Variants in CDH3 observed in about 807,000 individuals in gnomAD.
CDH3 encodes cadherin 3.
In CDH3, 54 loss-of-function variants were observed where a neutral mutation model predicts 82.0. The observed-to-expected ratio is 0.66, with a 90% CI of 0.53 to 0.83. The LOEUF (loss-of-function observed/expected upper bound fraction) is 0.83. Among genes scored for constraint, CDH3 ranks in the 40% least tolerant of loss-of-function variants. CDH3 has a pLI of 0.00. For synonymous variants in CDH3, 446 were observed against 437.9 expected, an observed-to-expected ratio of 1.02 and a Z score of -0.23; for missense variants, 1,054 against 1,084.6, an observed-to-expected ratio of 0.97 and a Z score of 0.40.
At chr16:68,695,125 A>G in intron 13 of CDH3, 130 bp from the exon 14 acceptor site, 1 of 983,214 alleles carries the variant, frequency 1.0e-6, no homozygotes, top group South Asian at 1.4e-5. Flanking sequence ...GTGCAAGTAA[A>G]GCCATTGTAG....
At chr16:68,725,397 G>C (rs377533840) in intron 2 of CDH3, among the ~76,000 whole-genome samples, 50 of 151,792 alleles carry the variant, frequency 3.3e-4, no homozygotes, top group African/African-American at 1.2e-3. Flanking sequence ...GCAGTGGCCC[G>C]ATCTCGGCTC....
intron 2 of CDH3, among the ~76,000 whole-genome samples, chr16:68,654,763 T>C (rs920139105): frequency 6.3e-5 from 9 of 142,448 alleles, no homozygotes; most frequent in Non-Finnish European, 9.2e-5. Flanking sequence ...GCGGCCGGCA[T>C]GATGGCTCAC....
chr16:68,678,269 C>T lies in CDH3; in HGVS notation c.382C>T (p.Leu128=). The T allele has an allele frequency of 2.5e-6, 4 of 1,614,166 alleles. No individual in the cohort carries two copies. The highest frequency in any genetic ancestry group is 3.4e-6 in the Non-Finnish European group (4 of 1,180,014). ...TGGCAAGGGTCCCTTCCCCCAGAGA[C>T]TGAATCAGGTACGACTGTGCCTTCT... is the stretch of plus-strand genomic sequence containing the variant. ...ENGKGPFPQR[L]NQLKSNKDRD... Residue 128 remains leucine (L), a synonymous_variant, in exon 4 of 16, where the codon CTG becomes TTG. Transcript: ENST00000264012.
intron 13 of CDH3, 70 bp downstream of exon 13, chr16:68,691,996 T>A: frequency 1.5e-6 from 2 of 1,305,572 alleles, no homozygotes; most frequent in Non-Finnish European, 1.1e-6. Flanking sequence ...CCTTGAGCTT[T>A]AACTCCTGGA....
chr16:68,666,211 C>T (rs1341382301), intron 2 of CDH3, among the ~76,000 whole-genome samples: 2 of 151,874 alleles, frequency 1.3e-5, no homozygotes, highest in Non-Finnish European at 2.9e-5. Flanking sequence ...GGCCCTCACA[C>T]ACCCCGTCAG....
chr16:68,654,209 G>A (rs1323412895), intron 2 of CDH3, among the ~76,000 whole-genome samples: 5 of 149,346 alleles, frequency 3.3e-5, no homozygotes, highest in East Asian at 4.1e-4. Context: ...ACAGGCATGT[G>A]CCACCATGCC....
chr16:68,726,140 T>A (rs1962216779), intron 2 of CDH3, among the ~76,000 whole-genome samples: 1 of 152,138 alleles, frequency 6.6e-6, no homozygotes, highest in African/African-American at 2.4e-5. Flanking sequence ...GCCAGGATGG[T>A]CTTAAGCCAG....
chr16:68,704,044 TG>T (rs1355187995), downstream of CDH3, among the ~76,000 whole-genome samples: 1 of 151,952 alleles, frequency 6.6e-6, no homozygotes, highest in Non-Finnish European at 1.5e-5. Context: ...CCCAGCAATT[TG>T]GGAGGCCGAG....
At chr16:68,684,861 G>C (rs760047944) in intron 10 of CDH3, 37 bp downstream of exon 10, 1 of 1,613,232 alleles carries the variant, frequency 6.2e-7, no homozygotes, top group Non-Finnish European at 8.5e-7. Context: ...AGCACGTACT[G>C]GTACAGTTGG....
rs1288918083 is a variant in CDH3 at position 68,719,843 on chromosome 16, G to A, written c.100-2582G>A. On this transcript the variant is annotated intron_variant, in intron 1 of 2. Coordinates refer to the CDH3 transcript ENST00000569080. ...TGATTATAGTGGTGGATATACAACT[G>A]CTTGTGTCTGTCAAAACTCACAGAA... Among the ~76,000 whole-genome samples the A allele has an allele frequency of 1.3e-5, 2 of 152,188 alleles. 1 individual carries two copies. Among genetic ancestry groups the A allele is most frequent in the East Asian group, 3.9e-4 (2 of 5,164 alleles).
Position 68,698,623 on chromosome 16 carries a change from G to A in CDH3, c.*223G>A, listed in dbSNP as rs914921882. ...TTCAGCACTGAAAACCTCTCCACCT[G>A]GGCCAGGGTTGCCTCAGAGGCCAAG... On this transcript the variant is annotated 3_prime_UTR_variant, in exon 16 of 16. Transcript: ENST00000264012. The A allele has an allele frequency of 5.2e-6, 3 of 578,668 alleles. No homozygotes were observed. The highest frequency in any genetic ancestry group is 1.9e-5 in the African/African-American group (1 of 53,470). The allele number at this position is 578,668 out of a possible 1,614,324, so 35.8% of individuals were successfully genotyped here. A position where few individuals can be genotyped will look rare whatever the true frequency, so the allele number is the denominator to read the frequency against.
intron 10 of CDH3, 139 bp from the exon 11 acceptor site, chr16:68,685,066 T>TTATGGGCGAGGTGCATTTTCCATATGATC: frequency 1.7e-6 from 2 of 1,162,058 alleles, no homozygotes; most frequent in Non-Finnish European, 2.5e-6. Context: ...AGGTCCCCGT[T>TTATGGGCGAGGTGCATTTTCCATATGATC]TATGGGCGAG....
chr16:68,720,718 C>T (rs772174916), intron 1 of CDH3, among the ~76,000 whole-genome samples: 15 of 151,512 alleles, frequency 9.9e-5, no homozygotes, highest in African/African-American at 1.7e-4. Flanking sequence ...CAGGCTCAAG[C>T]GATTCTCCTG....
intron 15 of CDH3, among the ~76,000 whole-genome samples, chr16:68,697,490 AG>A (rs1170470604): frequency 2.6e-5 from 4 of 152,200 alleles, no homozygotes; most frequent in African/African-American, 9.6e-5. Context: ...TTGAACGAGC[AG>A]GCAGCTAGGA....
intron 2 of CDH3, among the ~76,000 whole-genome samples, chr16:68,725,628 C>G (rs569919015): frequency 2.6e-5 from 4 of 152,080 alleles, no homozygotes; most frequent in Non-Finnish European, 1.5e-5. Flanking sequence ...CCACCGCGCC[C>G]GGCCCTTCAC....
chr16:68,686,503 T>C, intron 11 of CDH3: 9 of 1,142,404 alleles, frequency 7.9e-6, no homozygotes, highest in Non-Finnish European at 1.2e-5. Flanking sequence ...GGAAAAGTAT[T>C]GCAGCAACAG....
downstream of CDH3, among the ~76,000 whole-genome samples, chr16:68,728,957 C>T (rs1223254903): frequency 3.3e-5 from 5 of 152,180 alleles, no homozygotes; most frequent in Admixed American, 6.6e-5. Context: ...GTTCATGTTA[C>T]ATGTGGGATT....
At chr16:68,732,051 G>GT (rs71930035), downstream of CDH3, among the ~76,000 whole-genome samples, 65,986 of 143,644 alleles carry the variant, frequency 0.46, 14,900 homozygotes, top group Middle Eastern at 0.5. Context: ...AAATAAAACT[G>GT]TTTTTTTTTT....
At chr16:68,732,951 G>A in the CDH3 span, among the ~76,000 whole-genome samples, 2 of 151,692 alleles carry the variant, frequency 1.3e-5, no homozygotes, top group South Asian at 2.1e-4. Context: ...CTTTAGTGGC[G>A]GGGGTGGGGG....
Sources: gnomAD v4.1 joint callset for allele counts (sites outside exome capture counted in the v4.1 genomes callset) on GRCh38, gnomAD v4.1.1 for gene constraint, MANE v1.5 for transcripts, NCBI Gene and HGNC (gene_info 2026-07-23, HGNC 2026-07-21) for gene names.